HFM1: variants seen among roughly 807,000 people sequenced by gnomAD.
HFM1 encodes probable ATP-dependent DNA helicase HFM1.
HFM1 carries 169 observed loss-of-function variants against 192.1 expected under a neutral mutation model. That is an observed-to-expected ratio of 0.88 (90% CI 0.78 to 1.00). The LOEUF (loss-of-function observed/expected upper bound fraction) is 1.00, where lower values mean the gene tolerates loss of function less well. HFM1 is among the 50% of genes least tolerant of loss of function. The pLI is 0.00. For synonymous variants in HFM1, 525 were observed against 537.8 expected (o/e 0.98, Z 0.33); for missense variants, 1,661 against 1,668.0 (o/e 1.00, Z 0.07).
At chr1:91,321,452 TAAATA>T (rs1222781789) in intron 23 of HFM1, among the ~76,000 whole-genome samples, 1 of 151,086 alleles carries the variant, frequency 6.6e-6, no homozygotes, top group Non-Finnish European at 1.5e-5. Flanking sequence ...TCAAAATAAA[TAAATA>T]AATAAATAAA....
intron 4 of HFM1, among the ~76,000 whole-genome samples, chr1:91,390,223 G>C (rs1301103511): frequency 1.3e-5 from 2 of 152,140 alleles, no homozygotes; most frequent in Non-Finnish European, 2.9e-5. Flanking sequence ...AGATCACACA[G>C]TCAGGAGATG....
At chr1:91,329,345 T>C (rs1431659755) in intron 20 of HFM1, 6 of 1,602,540 alleles carry the variant, frequency 3.7e-6, no homozygotes, top group Non-Finnish European at 5.1e-6. Context: ...GAATCCACAG[T>C]GGGGTCAAGA....
chr1:91,381,860 A>G (rs1383450456), intron 6 of HFM1, among the ~76,000 whole-genome samples: 1 of 152,204 alleles, frequency 6.6e-6, no homozygotes, highest in African/African-American at 2.4e-5. Context: ...ATAAAGATAT[A>G]CAAGAACTGA....
intron 30 of HFM1, among the ~76,000 whole-genome samples, chr1:91,288,562 T>C (rs1668305125): frequency 6.6e-6 from 1 of 151,868 alleles, no homozygotes; most frequent in Non-Finnish European, 1.5e-5. Flanking sequence ...GTACTTGAGA[T>C]TAGGGAGTGG....
At chr1:91,375,292 T>C (rs1660770431) in intron 13 of HFM1, 66 bp downstream of exon 13, 1 of 1,130,692 alleles carries the variant, frequency 8.8e-7, no homozygotes, top group African/African-American at 1.6e-5. Flanking sequence ...CAAGCCTAAT[T>C]TTCTCATGTC....
At chr1:91,341,623 A>G (rs1427087930) in intron 20 of HFM1, among the ~76,000 whole-genome samples, 1 of 152,140 alleles carries the variant, frequency 6.6e-6, no homozygotes, top group Non-Finnish European at 1.5e-5. Flanking sequence ...ACACAGAACC[A>G]CACAAATGAT....
At chr1:91,352,481 A>G in intron 16 of HFM1, 25 bp downstream of exon 16, 3 of 1,524,186 alleles carry the variant, frequency 2.0e-6, no homozygotes, top group Non-Finnish European at 2.6e-6. Context: ...TTTTAAGTAT[A>G]AAAAGCAAAG....
chr1:91,316,165 G>A lies in HFM1; in HGVS notation c.2918C>T (p.Pro973Leu). ...ELELILNRHP[P>L]FGTQIKETVM... ...AGTTTCTTTTATCTGGGTTCCAAAG[G>A]GGGGATGTCTGTTTAAAATCTAAAA... The change falls in exon 27 of 39, where the codon CCC (proline) becomes CTC (leucine). Residue 973 changes from proline (P) to leucine (L), a missense_variant. Transcript: ENST00000370425. 1 of 1,580,010 alleles carries A rather than the reference G, an allele frequency of 6.3e-7. No homozygotes were observed.
chr1:91,401,912 G>A (rs1272793468), intron 1 of HFM1, among the ~76,000 whole-genome samples: 2 of 138,966 alleles, frequency 1.4e-5, no homozygotes, highest in Admixed American at 1.4e-4. Flanking sequence ...AGATGCAAAT[G>A]TGATTAAAAA....
At position 91,338,811 on chromosome 1, in the gene HFM1, C is replaced by G. The variant is rs559962889; in HGVS notation, c.2335+4619G>C. On this transcript the variant is annotated intron_variant, in intron 20 of 38. Transcript: ENST00000370425. ...CCCTGCTGTGCCACCACCACTGGTG[C>G]ACATACCCAGACCTCACCATGCTAC... Among the ~76,000 whole-genome samples, 4 of 152,270 alleles carry G rather than the reference C, an allele frequency of 2.6e-5. No homozygotes were observed. In the South Asian group the frequency reaches 8.3e-4, roughly 32 times the overall value.
At chr1:91,342,559 T>C (rs1655513677) in intron 20 of HFM1, among the ~76,000 whole-genome samples, 1 of 152,200 alleles carries the variant, frequency 6.6e-6, no homozygotes, top group Non-Finnish European at 1.5e-5. Flanking sequence ...TCCATGACTT[T>C]TCAATCTTCA....
chr1:91,291,569 C>G (rs1473793777), intron 30 of HFM1, among the ~76,000 whole-genome samples: 1 of 152,038 alleles, frequency 6.6e-6, no homozygotes, highest in African/African-American at 2.4e-5. Context: ...AATAGCTTAC[C>G]AACGAAAAAG....
At chr1:91,290,536 C>G (rs2100923467) in intron 30 of HFM1, among the ~76,000 whole-genome samples, 1 of 152,244 alleles carries the variant, frequency 6.6e-6, no homozygotes, top group East Asian at 1.9e-4. Context: ...CACAGGAGCA[C>G]CCAGATTCAT....
chr1:91,302,529 A>C (rs1648950766), intron 30 of HFM1, among the ~76,000 whole-genome samples: 1 of 152,162 alleles, frequency 6.6e-6, no homozygotes. Flanking sequence ...ACTTGGAACC[A>C]ACCCAAATGT....
intron 30 of HFM1, among the ~76,000 whole-genome samples, chr1:91,311,451 C>A (rs1650435532): frequency 6.6e-6 from 1 of 151,944 alleles, no homozygotes; most frequent in Non-Finnish European, 1.5e-5. Context: ...TATGGTGAAA[C>A]CCTGTCTCTA....
intron 6 of HFM1, among the ~76,000 whole-genome samples, chr1:91,381,247 G>A (rs1007327139): frequency 1.3e-5 from 2 of 152,110 alleles, no homozygotes; most frequent in African/African-American, 2.4e-5. Context: ...TATGATGGAA[G>A]AGATGCAAGT....
chr1:91,314,612 A>C (rs982487255), intron 28 of HFM1, among the ~76,000 whole-genome samples: 5 of 152,134 alleles, frequency 3.3e-5, no homozygotes, highest in African/African-American at 1.2e-4. Flanking sequence ...TTTAGTCCCA[A>C]TAAGAATATA....
chr1:91,267,805 C>T lies in HFM1; in HGVS notation c.3823G>A (p.Asp1275Asn), dbSNP rs779818871. The T allele has an allele frequency of 2.5e-6, 4 of 1,581,434 alleles. No homozygotes were observed. The highest frequency in any genetic ancestry group is 1.2e-5 in the South Asian group (1 of 84,734). ...CTAGTAACTTCTAAGTTTTCATCAT[C>T]AAAATCATCCCAAACTTCATTTCCC... ...ELGNEVWDDF[D>N]DENLEVTSFS... Residue 1275 changes from aspartate (D) to asparagine (N), a missense_variant, in exon 35 of 39, where the codon GAT becomes AAT. Transcript: ENST00000370425.
At chr1:91,407,776 T>G (rs1357658890), upstream of HFM1, among the ~76,000 whole-genome samples, 2 of 152,224 alleles carry the variant, frequency 1.3e-5, no homozygotes, top group Non-Finnish European at 2.9e-5. Flanking sequence ...GATATGTACC[T>G]AGGAGTGGAA....
Sources: allele counts gnomAD v4.1 joint callset (sites outside exome capture counted in the v4.1 genomes callset), GRCh38; gene constraint gnomAD v4.1.1; transcripts MANE v1.5; gene names NCBI Gene and HGNC (gene_info 2026-07-23, HGNC 2026-07-21).